Variants in DTD1 observed in about 807,000 individuals in gnomAD.
The protein encoded by DTD1 is D-aminoacyl-tRNA deacylase 1.
In DTD1, 13 loss-of-function variants were observed where a neutral mutation model predicts 25.6. The ratio of observed to expected loss-of-function variants is 0.51; its 90% CI spans 0.33 to 0.81. The LOEUF is 0.81. Among genes scored for constraint, DTD1 ranks in the 30% least tolerant of loss-of-function variants. The pLI is 0.02. For missense variants in DTD1, 193 were observed against 266.4 expected, an observed-to-expected ratio of 0.72 and a Z score of 1.92; for synonymous variants, 110 against 103.6, an observed-to-expected ratio of 1.06 and a Z score of -0.37.
chr20:18,752,828 A>G (rs145085656), intron 5 of DTD1, among the ~76,000 whole-genome samples: 153 of 152,164 alleles, frequency 1.0e-3, no homozygotes, highest in African/African-American at 3.6e-3. Flanking sequence ...CTGTTCCCAA[A>G]CCTTAAGTGT....
chr20:18,710,064 A>G (rs1317142899), intron 4 of DTD1, among the ~76,000 whole-genome samples: 2 of 152,188 alleles, frequency 1.3e-5, no homozygotes, highest in Non-Finnish European at 2.9e-5. Context: ...GCTTTATGAT[A>G]TATTGTCTAC....
At chr20:18,741,714 A>G (rs1454092699) in intron 4 of DTD1, among the ~76,000 whole-genome samples, 2 of 151,240 alleles carry the variant, frequency 1.3e-5, no homozygotes, top group African/African-American at 2.4e-5. Flanking sequence ...AGATTTATCT[A>G]TTTTTTTTAA....
chr20:18,752,553 G>A (rs1393700688), intron 5 of DTD1, among the ~76,000 whole-genome samples: 6 of 151,952 alleles, frequency 3.9e-5, no homozygotes, highest in Admixed American at 2.0e-4. Context: ...TGGAGTTTCC[G>A]TCTCTCTGCT....
At chr20:18,653,927 A>G (rs1025723951) in intron 4 of DTD1, among the ~76,000 whole-genome samples, 5 of 152,246 alleles carry the variant, frequency 3.3e-5, no homozygotes, top group Non-Finnish European at 7.3e-5. Context: ...GGATGGCCTC[A>G]AATGACTTGT....
intron 1 of DTD1, among the ~76,000 whole-genome samples, chr20:18,590,433 A>G (rs1281408064): frequency 1.3e-5 from 2 of 152,084 alleles, no homozygotes; most frequent in African/African-American, 4.8e-5. Context: ...CTGTAATATC[A>G]TTTGATGCCC....
At chr20:18,593,529 A>G (rs1338574569) in intron 1 of DTD1, among the ~76,000 whole-genome samples, 3 of 152,218 alleles carry the variant, frequency 2.0e-5, no homozygotes, top group Non-Finnish European at 4.4e-5. Context: ...CATTCATTCC[A>G]GAGATAAAAT....
At chr20:18,677,331 C>T (rs1192850540) in intron 4 of DTD1, among the ~76,000 whole-genome samples, 1 of 151,864 alleles carries the variant, frequency 6.6e-6, no homozygotes, top group Non-Finnish European at 1.5e-5. Flanking sequence ...GCTGAAGAAT[C>T]CGTGTTCTCT....
chr20:18,622,954 T>TTTTTTTTTTTTTTTTTTG (rs2060741402), intron 3 of DTD1, among the ~76,000 whole-genome samples: 2 of 150,840 alleles, frequency 1.3e-5, no homozygotes, highest in East Asian at 1.9e-4. Flanking sequence ...TTTTTTTTTT[T>TTTTTTTTTTTTTTTTTTG]GTCTGAGATG....
chr20:18,735,168 G>C (rs2061251036), intron 4 of DTD1, among the ~76,000 whole-genome samples: 1 of 152,216 alleles, frequency 6.6e-6, no homozygotes, highest in African/African-American at 2.4e-5. Context: ...CATAGTAACT[G>C]ACTTTGTGGG....
intron 4 of DTD1, among the ~76,000 whole-genome samples, chr20:18,704,594 T>C (rs1332621048): frequency 6.6e-6 from 1 of 152,194 alleles, no homozygotes; most frequent in East Asian, 1.9e-4. Flanking sequence ...TCTAGAGCCA[T>C]GGTTCGCACC....
At chr20:18,703,261 A>T (rs2061112782) in intron 4 of DTD1, among the ~76,000 whole-genome samples, 1 of 151,998 alleles carries the variant, frequency 6.6e-6, no homozygotes, top group Non-Finnish European at 1.5e-5. Flanking sequence ...CTATTTACTG[A>T]CCATATTCTC....
intron 4 of DTD1, chr20:18,632,683 A>G: frequency 4.1e-6 from 4 of 975,232 alleles, no homozygotes; most frequent in Non-Finnish European, 4.9e-6. Flanking sequence ...TCTTTTGGCA[A>G]ATTTCAACGT....
At chr20:18,643,327 C>T in intron 4 of DTD1, 1 of 273,846 alleles carries the variant, frequency 3.7e-6, no homozygotes, top group South Asian at 4.4e-5. Flanking sequence ...GGTAGTACGA[C>T]ACCGTCTGGC....
intron 4 of DTD1, among the ~76,000 whole-genome samples, chr20:18,693,227 G>GTA (rs2061055040): frequency 6.6e-6 from 1 of 152,118 alleles, no homozygotes; most frequent in Admixed American, 6.6e-5. Flanking sequence ...TTTTGACCTT[G>GTA]TATTTCTCTT....
At chr20:18,699,971 A>G (rs1459572874) in intron 4 of DTD1, among the ~76,000 whole-genome samples, 2 of 152,248 alleles carry the variant, frequency 1.3e-5, no homozygotes, top group Non-Finnish European at 2.9e-5. Flanking sequence ...AGCATTAACT[A>G]ATAATGAATC....
At chr20:18,665,605 T>G (rs1311053525) in intron 4 of DTD1, among the ~76,000 whole-genome samples, 1 of 152,228 alleles carries the variant, frequency 6.6e-6, no homozygotes, top group African/African-American at 2.4e-5. Context: ...TGAAACATCT[T>G]TGGCATTTAG....
chr20:18,714,071 G>T (rs1225721766), intron 4 of DTD1, among the ~76,000 whole-genome samples: 1 of 152,160 alleles, frequency 6.6e-6, no homozygotes, highest in African/African-American at 2.4e-5. Flanking sequence ...CTGTCAGATG[G>T]GGGTGACTGT....
chr20:18,701,823 T>C (rs2061106421), intron 4 of DTD1, among the ~76,000 whole-genome samples: 1 of 152,242 alleles, frequency 6.6e-6, no homozygotes, highest in Admixed American at 6.5e-5. Flanking sequence ...TAATAATTCT[T>C]TAAGTCTCTC....
intron 5 of DTD1, 63 bp downstream of exon 5, chr20:18,744,334 G>A: frequency 1.3e-6 from 2 of 1,516,686 alleles, no homozygotes; most frequent in Non-Finnish European, 9.0e-7. Context: ...TGAATAGGAG[G>A]GAATAGCTGC....
Sources: allele counts gnomAD v4.1 joint callset (sites outside exome capture counted in the v4.1 genomes callset), GRCh38; gene constraint gnomAD v4.1.1; transcripts MANE v1.5; gene names NCBI Gene and HGNC (gene_info 2026-07-23, HGNC 2026-07-21).